Variants in NAP1L1 observed in about 807,000 individuals in gnomAD.
NAP1L1 encodes the protein nucleosome assembly protein 1 like 1.
A neutral mutation model predicts 58.9 loss-of-function variants in NAP1L1; 9 were observed. The observed-to-expected ratio is 0.15, with a 90% CI of 0.09 to 0.27. The LOEUF is 0.27. NAP1L1 is among the 10% of genes least tolerant of loss of function. The probability of loss-of-function intolerance (pLI) is 1.00; values close to 1 mark genes in which losing one functional copy is unlikely to be tolerated. For missense variants in NAP1L1, 302 were observed against 458.8 expected (o/e 0.66, Z 3.12); for synonymous variants, 130 against 138.3 (o/e 0.94, Z 0.42).
chr12:76,053,420 T>C, intron 9 of NAP1L1, 70 bp from the exon 10 acceptor site: 1 of 1,525,286 alleles, frequency 6.6e-7, no homozygotes, highest in Non-Finnish European at 8.9e-7. Context: ...TAGAAGTAAA[T>C]GTTCTATTTA....
chr12:76,061,377 G>A (rs563833880), intron 4 of NAP1L1, among the ~76,000 whole-genome samples: 23 of 152,250 alleles, frequency 1.5e-4, no homozygotes, highest in Admixed American at 1.2e-3. Context: ...AAGAATGTAC[G>A]ATATTTGGTT....
intron 1 of NAP1L1, among the ~76,000 whole-genome samples, chr12:76,076,496 G>T (rs41405047): frequency 0.012 from 1,731 of 143,980 alleles, 29 homozygotes; most frequent in African/African-American, 0.042. Flanking sequence ...TTGATATGAA[G>T]GAACACTAAA....
chr12:76,076,871 ACACAC>A (rs1412513514), intron 1 of NAP1L1, among the ~76,000 whole-genome samples: 2 of 152,114 alleles, frequency 1.3e-5, no homozygotes, highest in African/African-American at 4.8e-5. Flanking sequence ...CTCCCAGGCT[ACACAC>A]CTATACAGCA....
At chr12:76,057,722 C>A (rs1214188409) in intron 6 of NAP1L1, 12 of 1,545,476 alleles carry the variant, frequency 7.8e-6, no homozygotes, top group African/African-American at 1.4e-5. Context: ...AAGAATTTTC[C>A]AAATGAATAT....
chr12:76,073,755 C>T (rs1950067818), intron 2 of NAP1L1: 1 of 153,504 alleles, frequency 6.5e-6, no homozygotes. Flanking sequence ...GGGAAAGGTG[C>T]AATTGAGAAG....
At chr12:76,069,097 G>T in intron 2 of NAP1L1, 103 bp from the exon 3 acceptor site, 3 of 793,052 alleles carry the variant, frequency 3.8e-6, no homozygotes, top group Non-Finnish European at 6.2e-6. Context: ...CTCTTTCAAA[G>T]ACATGAAATA....
chr12:76,061,878 G>A (rs1443755860), intron 4 of NAP1L1, among the ~76,000 whole-genome samples: 3 of 152,146 alleles, frequency 2.0e-5, no homozygotes, highest in Admixed American at 6.5e-5. Flanking sequence ...ATGGGCTTCT[G>A]GCTTTTCTTG....
In NAP1L1 at chr12:76,057,972, T is replaced by G. The variant is rs912217614; in HGVS notation, c.430-1811A>C. On this transcript the variant is annotated intron_variant, in intron 6 of 14. Coordinates refer to ENST00000618691, the MANE Select transcript of NAP1L1 (RefSeq NM_004537.7). The stretch of plus-strand genomic sequence containing the variant: ...AAATTGATCTTAAATCACACAAAGA[T>G]TTTTTGCTCAAAAATTCTCCTGTGG... 1.5e-5 allele frequency: 14 copies of G among 952,622 alleles called. No individual in the cohort carries two copies. The African/African-American group carries it at 2.2e-4, about 15-fold the overall frequency. The allele number at this position is 952,622 out of a possible 1,614,324, so 59.0% of individuals were successfully genotyped here.
chr12:76,068,826 AAAAAATAG>A (rs1215654150), intron 3 of NAP1L1, 75 bp downstream of exon 3: 8 of 1,009,186 alleles, frequency 7.9e-6, no homozygotes, highest in Non-Finnish European at 1.2e-5. Flanking sequence ...CAAGGGTCCA[AAAAAATAG>A]ACTGGTACTT....
chr12:76,083,151 C>T (rs1950471291), intron 1 of NAP1L1, among the ~76,000 whole-genome samples: 1 of 152,120 alleles, frequency 6.6e-6, no homozygotes, highest in Non-Finnish European at 1.5e-5. Context: ...CCCTACACTG[C>T]CATCCCCCAG....
Position 76,058,194 on chromosome 12 carries a change from CATATATATAT to C in NAP1L1, c.429+1594_429+1603del, listed in dbSNP as rs3082540. ...ATATGGCCAAAGGGAGAGAGGCCTACATATATATATATATATATATATATATATATGTATT... is the reference window on the plus strand; with the variant it reads ...ATATGGCCAAAGGGAGAGAGGCCTACATATATATATATATATATATGTATT... On this transcript the variant is annotated intron_variant, in intron 6 of 14. Coordinates refer to ENST00000618691, the MANE Select transcript of NAP1L1 (RefSeq NM_004537.7). The C allele has an allele frequency of 1.1e-3, 390 of 370,894 alleles. 61 individuals carry two copies. Among genetic ancestry groups the C allele is most frequent in the African/African-American group, 2.2e-3 (83 of 37,486 alleles). 23.0% of individuals were successfully genotyped at this position (370,894 alleles called of 1,614,324 possible).
intron 7 of NAP1L1, among the ~76,000 whole-genome samples, chr12:76,055,382 C>T (rs1949033393): frequency 6.6e-6 from 1 of 152,172 alleles, no homozygotes; most frequent in Non-Finnish European, 1.5e-5. Flanking sequence ...TAAAATGTTT[C>T]CTGATTGTAA....
chr12:76,048,947 G>T, intron 14 of NAP1L1: 1 of 505,236 alleles, frequency 2.0e-6, no homozygotes, highest in South Asian at 3.0e-5. Context: ...CATTAAAATA[G>T]AATCCTAGGG....
chr12:76,063,330 T>G (rs888454769), intron 4 of NAP1L1, among the ~76,000 whole-genome samples: 2 of 152,078 alleles, frequency 1.3e-5, no homozygotes, highest in Non-Finnish European at 2.9e-5. Context: ...ACTACCATAG[T>G]AACAAAAATC....
chr12:76,065,221 T>C (rs1423088989), intron 4 of NAP1L1, among the ~76,000 whole-genome samples: 1 of 151,660 alleles, frequency 6.6e-6, no homozygotes, highest in Non-Finnish European at 1.5e-5. Flanking sequence ...AAAAGTTCAA[T>C]AGAGCATCTT....
At chr12:76,060,082 T>C (rs939567627) in intron 5 of NAP1L1, 56 bp downstream of exon 5, 226 of 1,557,414 alleles carry the variant, frequency 1.5e-4, no homozygotes, top group Non-Finnish European at 1.9e-4. Context: ...TCTGCTTATG[T>C]TTCTAGAATT....
intron 14 of NAP1L1, 52 bp from the exon 15 acceptor site, chr12:76,048,516 A>G: frequency 6.3e-7 from 1 of 1,584,182 alleles, no homozygotes; most frequent in East Asian, 2.2e-5. Flanking sequence ...TGCTTCAGTG[A>G]ATTTCTCAAT....
Position 76,049,671 on chromosome 12 carries a change from T to G in NAP1L1, c.1089+85A>C. On this transcript the variant is annotated intron_variant, in intron 13 of 14. Coordinates refer to ENST00000618691, the MANE Select transcript of NAP1L1 (RefSeq NM_004537.7). ...TTTTTATCCCAAATCACAGAATGAT[T>G]ATAGCAAAGGAATACATAAGTCATT... is the stretch of plus-strand genomic sequence containing the variant. 7 of 1,569,178 alleles carry G rather than the reference T, an allele frequency of 4.5e-6. No individual in the cohort carries two copies. In the South Asian group the frequency reaches 5.6e-5, roughly 13 times the overall value.
intron 3 of NAP1L1, 171 bp from the exon 4 acceptor site, chr12:76,067,644 CA>C: frequency 2.0e-6 from 1 of 502,822 alleles, no homozygotes; most frequent in Non-Finnish European, 3.6e-6. Context: ...AAGGAAAACC[CA>C]ATGTTCAGGA....
Sources: allele counts gnomAD v4.1 joint callset (sites outside exome capture counted in the v4.1 genomes callset), GRCh38; gene constraint gnomAD v4.1.1; transcripts MANE v1.5; gene names NCBI Gene and HGNC (gene_info 2026-07-23, HGNC 2026-07-21).